The following ADGRB3 variants were observed in gnomAD, a reference collection of about 807,000 sequenced individuals.
ADGRB3 encodes the protein brain-specific angiogenesis inhibitor 3.
ADGRB3 carries 37 observed loss-of-function variants against 193.4 expected under a neutral mutation model. The ratio of observed to expected loss-of-function variants is 0.19; its 90% CI spans 0.15 to 0.25. The LOEUF (loss-of-function observed/expected upper bound fraction) is 0.25, where lower values mean the gene tolerates loss of function less well. ADGRB3 is among the 10% of genes least tolerant of loss of function. The probability of loss-of-function intolerance (pLI) is 1.00; values close to 1 mark genes in which losing one functional copy is unlikely to be tolerated. For synonymous variants in ADGRB3, 690 were observed against 644.2 expected (o/e 1.07, Z -1.08); for missense variants, 1,637 against 1,852.9 (o/e 0.88, Z 2.14).
At chr6:68,768,211 A>G (rs1766548333) in intron 3 of ADGRB3, among the ~76,000 whole-genome samples, 3 of 152,232 alleles carry the variant, frequency 2.0e-5, no homozygotes, top group Admixed American at 6.5e-5. Flanking sequence ...ATATGGAACC[A>G]GAAAAGAGCC....
intron 17 of ADGRB3, among the ~76,000 whole-genome samples, chr6:69,147,924 G>A (rs948751753): frequency 2.0e-5 from 3 of 151,948 alleles, no homozygotes; most frequent in African/African-American, 7.3e-5. Flanking sequence ...CTTTTGTCTT[G>A]AAATCTATTT....
intron 3 of ADGRB3, among the ~76,000 whole-genome samples, chr6:68,845,009 A>G (rs1768245152): frequency 6.6e-6 from 1 of 152,162 alleles, no homozygotes; most frequent in Admixed American, 6.5e-5. Context: ...GGAGATGGCT[A>G]ATGCATACAA....
chr6:69,014,939 T>C (rs193216147), intron 12 of ADGRB3, among the ~76,000 whole-genome samples: 2 of 152,074 alleles, frequency 1.3e-5, no homozygotes, highest in African/African-American at 4.8e-5. Flanking sequence ...TATCCTATTG[T>C]GACAGGAGCT....
Position 69,388,908 on chromosome 6 carries a change from T to G in ADGRB3, c.*17T>G. 1.9e-6 allele frequency: 3 copies of G among 1,604,504 alleles called. No homozygotes were observed. The highest frequency in any genetic ancestry group is 1.7e-6 in the Non-Finnish European group (2 of 1,175,488). On this transcript the variant is annotated 3_prime_UTR_variant, in exon 32 of 32. Transcript: ENST00000370598. ...GAAGTTTAAAAAAATCAAAATGGAC[T>G]AAGGTAGAGACAAAACTTTATTGCA...
chr6:68,678,934 A>G (rs1393299115), intron 3 of ADGRB3, among the ~76,000 whole-genome samples: 2 of 152,188 alleles, frequency 1.3e-5, no homozygotes, highest in East Asian at 1.9e-4. Context: ...AAGTTGTCCA[A>G]TGACTTACCT....
chr6:69,216,647 C>T (rs1765778040), intron 17 of ADGRB3, among the ~76,000 whole-genome samples: 1 of 152,154 alleles, frequency 6.6e-6, no homozygotes, highest in South Asian at 2.1e-4. Context: ...AATGAAGCCC[C>T]ATGGGTTCAG....
At chr6:69,137,220 T>C (rs4706866) in intron 17 of ADGRB3, among the ~76,000 whole-genome samples, 96,984 of 151,728 alleles carry the variant, frequency 0.64, 32,229 homozygotes, top group East Asian at 0.95. Flanking sequence ...CCTCTTGTCT[T>C]TATGCAGACT....
rs1282280801 is a variant in ADGRB3, at chr6:69,315,585, T to C, written c.2815-9287T>C. On this transcript the variant is annotated intron_variant, in intron 20 of 31. Transcript: ENST00000370598. ...TCTGAATAATGTAAATATGCAGTTA[T>C]TAGTGCAGCTTTTAAAGAACTGCCT... Among the ~76,000 whole-genome samples, 3 of 151,608 alleles carry C rather than the reference T, an allele frequency of 2.0e-5. No individual in the cohort carries two copies. The East Asian group carries it at 5.8e-4, about 29-fold the overall frequency.
intron 20 of ADGRB3, among the ~76,000 whole-genome samples, chr6:69,314,532 G>C (rs952467552): frequency 1.3e-5 from 2 of 151,644 alleles, no homozygotes; most frequent in Non-Finnish European, 3.0e-5. Context: ...AAGGGTTGAA[G>C]AGATGATGTT....
At chr6:68,666,220 TC>T (rs1768796886) in intron 3 of ADGRB3, among the ~76,000 whole-genome samples, 2 of 152,018 alleles carry the variant, frequency 1.3e-5, no homozygotes, top group Non-Finnish European at 2.9e-5. Context: ...TTAAATGCTT[TC>T]AGTCAGGGCA....
At chr6:69,328,434 T>A (rs1768631730) in intron 22 of ADGRB3, among the ~76,000 whole-genome samples, 2 of 152,138 alleles carry the variant, frequency 1.3e-5, no homozygotes, top group African/African-American at 4.8e-5. Context: ...TTTATAGTGG[T>A]AGAGCTGATA....
At chr6:69,263,072 G>T (rs1490580658) in intron 20 of ADGRB3, among the ~76,000 whole-genome samples, 1 of 152,024 alleles carries the variant, frequency 6.6e-6, no homozygotes. Flanking sequence ...GAGGTTACCT[G>T]TAGGTATAAT....
chr6:69,127,558 G>T (rs972098087), intron 17 of ADGRB3, among the ~76,000 whole-genome samples: 6 of 152,088 alleles, frequency 3.9e-5, no homozygotes, highest in Non-Finnish European at 5.9e-5. Flanking sequence ...TCGGTGTCTT[G>T]CTTTTCTCTA....
chr6:68,782,272 G>A (rs1444445927), intron 3 of ADGRB3, among the ~76,000 whole-genome samples: 9 of 151,386 alleles, frequency 5.9e-5, no homozygotes, highest in African/African-American at 9.7e-5. Context: ...GGTTTCCAGC[G>A]TCATCTATGT....
intron 17 of ADGRB3, among the ~76,000 whole-genome samples, chr6:69,228,663 G>A (rs1475354390): frequency 6.6e-6 from 1 of 152,158 alleles, no homozygotes; most frequent in Non-Finnish European, 1.5e-5. Context: ...AGTGAATGAA[G>A]TGCATATATA....
At chr6:69,332,684 A>G (rs1582638062) in intron 23 of ADGRB3, 1 of 985,302 alleles carries the variant, frequency 1.0e-6, no homozygotes, top group Non-Finnish European at 1.2e-6. Flanking sequence ...TAATTTCCCC[A>G]GTGTTAACTG....
intron 20 of ADGRB3, among the ~76,000 whole-genome samples, chr6:69,253,166 A>G (rs1766666031): frequency 6.6e-6 from 1 of 152,012 alleles, no homozygotes; most frequent in African/African-American, 2.4e-5. Context: ...TCGATGCCAT[A>G]ATCTTTACTA....
intron 3 of ADGRB3, among the ~76,000 whole-genome samples, chr6:68,740,210 G>T (rs60607705): frequency 0.032 from 4,914 of 152,202 alleles, 140 homozygotes; most frequent in African/African-American, 0.073. Flanking sequence ...ACTAAAAATT[G>T]CATAGTGTTG....
intron 14 of ADGRB3, 142 bp from the exon 15 acceptor site, chr6:69,049,129 G>A (rs1771320512): frequency 1.7e-6 from 1 of 586,700 alleles, no homozygotes; most frequent in Admixed American, 3.6e-5. Context: ...TAATGTGCAT[G>A]GTTAGGAATG....
Sources: gnomAD v4.1 joint callset for allele counts (sites outside exome capture counted in the v4.1 genomes callset) on GRCh38, gnomAD v4.1.1 for gene constraint, MANE v1.5 for transcripts, NCBI Gene and HGNC (gene_info 2026-07-23, HGNC 2026-07-21) for gene names.